Variants in INSC observed in about 807,000 individuals in gnomAD.
INSC encodes INSC spindle orientation adaptor protein.
Under a neutral mutation model 58.6 loss-of-function variants are expected in INSC, and 67 were observed. The ratio of observed to expected loss-of-function variants is 1.14; its 90% CI spans 0.94 to 1.40. The LOEUF is 1.40. INSC is among the 40% of genes most tolerant of loss of function. The pLI is 0.00. For missense variants in INSC, 714 were observed against 692.0 expected (o/e 1.03, Z -0.36); for synonymous variants, 262 against 276.1 (o/e 0.95, Z 0.51).
intron 2 of INSC, among the ~76,000 whole-genome samples, chr11:15,155,468 C>A (rs1000799055): frequency 2.6e-5 from 4 of 152,136 alleles, no homozygotes; most frequent in Non-Finnish European, 5.9e-5. Context: ...TTATAGAGTG[C>A]CTATGAAGTA....
At chr11:15,259,800 A>C in the INSC span, among the ~76,000 whole-genome samples, 1 of 152,194 alleles carries the variant, frequency 6.6e-6, no homozygotes, top group Non-Finnish European at 1.5e-5. Flanking sequence ...TCTGACTTCA[A>C]AGCCTATGTT....
intron 2 of INSC, among the ~76,000 whole-genome samples, chr11:15,155,990 G>A (rs1311260175): frequency 6.6e-6 from 1 of 152,166 alleles, no homozygotes; most frequent in Admixed American, 6.5e-5. Flanking sequence ...AGGCTTTGGG[G>A]AATGAAGGAG....
At position 15,241,656 on chromosome 11, in the gene INSC, T is replaced by A. The variant is rs1042462676; in HGVS notation, c.1470+1133T>A. ...TTTGGCACATTCAAGGTAATCTTAA[T>A]CTTTTTGTATCTTTGGTACTCTGGT... On this transcript the variant is annotated intron_variant, in intron 12 of 12. Transcript: ENST00000379556. 4.3e-6 allele frequency: 3 copies of A among 702,810 alleles called. No individual in the cohort carries two copies. In the African/African-American group the frequency reaches 5.2e-5, roughly 12 times the overall value. 43.5% of individuals were successfully genotyped at this position (702,810 alleles called of 1,614,324 possible). A position where few individuals can be genotyped will look rare whatever the true frequency, so the allele number is the denominator to read the frequency against.
intron 2 of INSC, 78 bp from the exon 3 acceptor site, chr11:15,175,663 T>G: frequency 9.0e-7 from 1 of 1,109,216 alleles, no homozygotes. Flanking sequence ...GCTTAGTAAA[T>G]ATCAGATGGC....
chr11:15,150,387 A>G (rs1292212898), intron 2 of INSC, among the ~76,000 whole-genome samples: 1 of 152,244 alleles, frequency 6.6e-6, no homozygotes, highest in East Asian at 1.9e-4. Context: ...GAATAACACC[A>G]TGGTTATTGT....
chr11:15,221,334 T>C (rs1229447245), intron 7 of INSC, 143 bp from the exon 8 acceptor site: 1 of 910,950 alleles, frequency 1.1e-6, no homozygotes, highest in Non-Finnish European at 1.7e-6. Flanking sequence ...TTGTCCCTGG[T>C]TCCACATGGG....
At chr11:15,175,206 A>G (rs1714378) in intron 2 of INSC, among the ~76,000 whole-genome samples, 1 of 151,976 alleles carries the variant, frequency 6.6e-6, no homozygotes, top group African/African-American at 2.4e-5. Context: ...TTCTAACATT[A>G]TTGTAATAAT....
At chr11:15,147,327 G>A (rs947793704) in intron 1 of INSC, among the ~76,000 whole-genome samples, 1 of 152,064 alleles carries the variant, frequency 6.6e-6, no homozygotes, top group Non-Finnish European at 1.5e-5. Context: ...TGCTTGTTGA[G>A]CCTCTCGCTG....
chr11:15,200,928 G>A lies in INSC; in HGVS notation c.798G>A (p.Glu266=). 2 of 1,610,378 alleles carry A rather than the reference G, an allele frequency of 1.2e-6. No individual in the cohort carries two copies. Residue 266 remains glutamate, a synonymous_variant, in exon 7 of 13, where the codon GAG becomes GAA. Coordinates refer to ENST00000379556, the MANE Select transcript of INSC (RefSeq NM_001042536.3). Reference sequence around the variant, plus strand: ...TGGCCTCCATCTGCTGCGTGGAAGAGGGTGTCCACCAGCTGGAGAAGGTAA... The same window carrying A: ...TGGCCTCCATCTGCTGCGTGGAAGAAGGTGTCCACCAGCTGGAGAAGGTAA... ...RTLASICCVE[E]GVHQLEKVDG... is the part of the protein sequence containing the mutation.
intron 1 of INSC, among the ~76,000 whole-genome samples, chr11:15,134,142 T>A (rs1848186933): frequency 6.6e-6 from 1 of 152,192 alleles, no homozygotes; most frequent in Non-Finnish European, 1.5e-5. Flanking sequence ...ACTTTGGACG[T>A]TTGGAGGAAT....
At chr11:15,136,848 C>G (rs1397275849) in intron 1 of INSC, among the ~76,000 whole-genome samples, 1 of 152,116 alleles carries the variant, frequency 6.6e-6, no homozygotes, top group Non-Finnish European at 1.5e-5. Flanking sequence ...TTTTGACCAC[C>G]TCCCATGAAT....
chr11:15,137,930 C>G (rs1208130053), intron 1 of INSC, among the ~76,000 whole-genome samples: 7 of 152,212 alleles, frequency 4.6e-5, no homozygotes, highest in Admixed American at 4.6e-4. Context: ...GCTGTCCTCA[C>G]TAAGCTTAAT....
chr11:15,257,516 A>G, the INSC span, among the ~76,000 whole-genome samples: 2 of 152,086 alleles, frequency 1.3e-5, no homozygotes, highest in Non-Finnish European at 2.9e-5. Flanking sequence ...TATGAGGTGA[A>G]TTTTACGCCC....
rs267602792 is a variant in INSC at position 15,177,163 on chromosome 11, G to A, written c.455G>A (p.Arg152Lys). 6.2e-7 allele frequency: 1 copy of A among 1,613,764 alleles called. No individual in the cohort carries two copies. The highest frequency in any genetic ancestry group is 8.5e-7 in the Non-Finnish European group (1 of 1,179,702). ...TCGGAGCTCTCGGCAGTCACAGAGA[G>A]GTAAATTTGGACCATAGATCTCCCA... ...KCSELSAVTE[R>K]CLQVENEHVL... Residue 152 changes from arginine to lysine, a missense_variant and splice_region_variant, in exon 4 of 13, where the codon AGG becomes AAG. Physicochemically the swap from Arg to Lys is conservative, Grantham distance 26. Coordinates refer to ENST00000379556, the MANE Select transcript of INSC (RefSeq NM_001042536.3).
chr11:15,188,615 T>C (rs1253464861), intron 5 of INSC, among the ~76,000 whole-genome samples: 1 of 152,250 alleles, frequency 6.6e-6, no homozygotes, highest in Non-Finnish European at 1.5e-5. Flanking sequence ...CTTACAACTT[T>C]TCTTTGTCAG....
intron 2 of INSC, among the ~76,000 whole-genome samples, chr11:15,155,529 C>A (rs1433076661): frequency 6.6e-6 from 1 of 152,168 alleles, no homozygotes; most frequent in African/African-American, 2.4e-5. Context: ...ATAAACGATC[C>A]TGCCCTCATG....
At chr11:15,268,046 C>G in the INSC span, among the ~76,000 whole-genome samples, 2 of 152,024 alleles carry the variant, frequency 1.3e-5, no homozygotes, top group Non-Finnish European at 2.9e-5. Context: ...CAACCTCTGC[C>G]TGCATTCCAC....
intron 2 of INSC, among the ~76,000 whole-genome samples, chr11:15,173,302 G>A (rs552372985): frequency 9.5e-4 from 145 of 152,234 alleles, no homozygotes; most frequent in Admixed American, 1.8e-3. Context: ...AAAGCAATAG[G>A]TCAGAAAACC....
intron 6 of INSC, among the ~76,000 whole-genome samples, chr11:15,198,107 C>T (rs569974322): frequency 1.7e-4 from 26 of 152,074 alleles, no homozygotes; most frequent in Non-Finnish European, 2.9e-4. Context: ...TCCTAGCCCT[C>T]GGGACCTCTT....
Sources: gnomAD v4.1 joint callset for allele counts (sites outside exome capture counted in the v4.1 genomes callset) on GRCh38, gnomAD v4.1.1 for gene constraint, MANE v1.5 for transcripts, NCBI Gene and HGNC (gene_info 2026-07-23, HGNC 2026-07-21) for gene names.